The following POU6F2 variants were observed in gnomAD, a reference collection of about 807,000 sequenced individuals.
POU6F2 encodes POU domain, class 6, transcription factor 2.
In POU6F2, 31 loss-of-function variants were observed where a neutral mutation model predicts 71.3. The ratio of observed to expected loss-of-function variants is 0.43; its 90% CI spans 0.33 to 0.59. POU6F2 has a LOEUF of 0.59. Among genes scored for constraint, POU6F2 ranks in the 20% least tolerant of loss-of-function variants. The pLI is 0.04. For synonymous variants in POU6F2, 347 were observed against 355.7 expected, an observed-to-expected ratio of 0.98 and a Z score of 0.27; for missense variants, 783 against 856.8, an observed-to-expected ratio of 0.91 and a Z score of 1.07.
intron 4 of POU6F2, among the ~76,000 whole-genome samples, chr7:39,269,171 T>C (rs576827167): frequency 1.3e-5 from 2 of 152,276 alleles, no homozygotes; most frequent in Admixed American, 6.5e-5. Context: ...GGGAGTGTTA[T>C]GAAGTATGTG....
rs56019932 is a variant in POU6F2, at chr7:39,018,275, A to G, written c.105+40217A>G. On this transcript the variant is annotated intron_variant, in intron 1 of 9. Transcript: ENST00000518318. ...TCACCATTATTTTCCTTTGTATACAATCATTCTCAGAAATGCTCTCTCCAT... is the reference window on the plus strand; with the variant it reads ...TCACCATTATTTTCCTTTGTATACAGTCATTCTCAGAAATGCTCTCTCCAT... Among the ~76,000 whole-genome samples, 222 of 152,210 alleles carry G rather than the reference A, an allele frequency of 1.5e-3. 1 individual carries two copies. The highest frequency in any genetic ancestry group is 5.2e-3 in the African/African-American group (215 of 41,534).
chr7:39,081,744 T>C (rs971598109), intron 1 of POU6F2, among the ~76,000 whole-genome samples: 1 of 152,236 alleles, frequency 6.6e-6, no homozygotes, highest in African/African-American at 2.4e-5. Context: ...ACACACAGTA[T>C]GTCTGGGACT....
At chr7:39,229,403 G>C (rs1001900593) in intron 4 of POU6F2, among the ~76,000 whole-genome samples, 6 of 152,090 alleles carry the variant, frequency 3.9e-5, no homozygotes, top group Non-Finnish European at 7.4e-5. Context: ...CAACTGTCTG[G>C]GCCATTCTGC....
At chr7:39,165,998 A>AC (rs1456827385) in intron 2 of POU6F2, among the ~76,000 whole-genome samples, 3 of 152,030 alleles carry the variant, frequency 2.0e-5, no homozygotes, top group Non-Finnish European at 4.4e-5. Context: ...CCTTCTCCCT[A>AC]CTCTAGGATG....
chr7:39,084,959 C>G (rs981885730), intron 1 of POU6F2: 5 of 152,118 alleles, frequency 3.3e-5, no homozygotes, highest in African/African-American at 9.7e-5. Flanking sequence ...AAAGACTACA[C>G]TTGGAAAATA....
At chr7:39,332,543 C>A (rs1785677260) in intron 4 of POU6F2, among the ~76,000 whole-genome samples, 1 of 151,836 alleles carries the variant, frequency 6.6e-6, no homozygotes, top group Non-Finnish European at 1.5e-5. Flanking sequence ...CTGCTCTGGC[C>A]CTGGCCAGAC....
At chr7:39,278,211 G>T (rs1313793771) in intron 4 of POU6F2, among the ~76,000 whole-genome samples, 1 of 152,114 alleles carries the variant, frequency 6.6e-6, no homozygotes, top group African/African-American at 2.4e-5. Flanking sequence ...AAGCAGAGAA[G>T]GCGTTTCGGA....
At chr7:39,132,901 A>G (rs961151216) in intron 2 of POU6F2, among the ~76,000 whole-genome samples, 1 of 152,196 alleles carries the variant, frequency 6.6e-6, no homozygotes, top group African/African-American at 2.4e-5. Flanking sequence ...TGACATGGAA[A>G]TGGAGACTAG....
At chr7:39,114,433 T>C (rs918281962) in intron 2 of POU6F2, among the ~76,000 whole-genome samples, 1 of 152,148 alleles carries the variant, frequency 6.6e-6, no homozygotes, top group African/African-American at 2.4e-5. Context: ...ATTATTTTAA[T>C]AGGAACTTCC....
chr7:39,039,069 GACAATTGT>G (rs1465959083), intron 1 of POU6F2, among the ~76,000 whole-genome samples: 3 of 151,996 alleles, frequency 2.0e-5, no homozygotes, highest in African/African-American at 7.2e-5. Context: ...AGTTTTGTTG[GACAATTGT>G]ATCACAATAT....
intron 1 of POU6F2, among the ~76,000 whole-genome samples, chr7:39,070,833 C>T (rs759110615): frequency 6.6e-6 from 1 of 152,162 alleles, no homozygotes; most frequent in Admixed American, 6.5e-5. Flanking sequence ...TACTCAACAT[C>T]GTATTTACTT....
At chr7:39,301,675 C>A (rs1427218523) in intron 4 of POU6F2, among the ~76,000 whole-genome samples, 2 of 152,156 alleles carry the variant, frequency 1.3e-5, no homozygotes, top group African/African-American at 4.8e-5. Flanking sequence ...TGCCCTTATT[C>A]CAGTCACTAA....
At position 39,465,522 on chromosome 7, in the gene POU6F2, G is replaced by A. The variant is rs1042287937; in HGVS notation, c.*836G>A. Reference sequence around the variant, plus strand: ...TGCTTTTTTCTCACTATGACTTGTGGGTTTGAGAAAAGAAAATGGAGCTCG... The same window carrying A: ...TGCTTTTTTCTCACTATGACTTGTGAGTTTGAGAAAAGAAAATGGAGCTCG... On this transcript the variant is annotated 3_prime_UTR_variant, in exon 10 of 10. Coordinates refer to ENST00000518318, the MANE Select transcript of POU6F2 (RefSeq NM_001370959.1). The A allele has an allele frequency of 6.6e-6, 1 of 152,110 alleles. No homozygotes were observed. Among genetic ancestry groups the A allele is most frequent in the Admixed American group, 6.5e-5 (1 of 15,272 alleles). The allele number at this position is 152,110 out of a possible 1,614,324, so 9.4% of individuals were successfully genotyped here.
At chr7:39,007,356 T>C (rs1043915397) in intron 1 of POU6F2, among the ~76,000 whole-genome samples, 5 of 152,130 alleles carry the variant, frequency 3.3e-5, no homozygotes, top group Non-Finnish European at 5.9e-5. Context: ...GGAAGTTGGG[T>C]CAGTAATACC....
chr7:39,305,528 GAT>G (rs1785032081), intron 4 of POU6F2, among the ~76,000 whole-genome samples: 1 of 152,198 alleles, frequency 6.6e-6, no homozygotes, highest in Non-Finnish European at 1.5e-5. Flanking sequence ...CCGCAATCAA[GAT>G]GTGTAGACAG....
At chr7:39,258,013 A>G (rs969195112) in intron 4 of POU6F2, among the ~76,000 whole-genome samples, 1 of 152,204 alleles carries the variant, frequency 6.6e-6, no homozygotes, top group African/African-American at 2.4e-5. Context: ...TGTTTGGGCC[A>G]CCACTGTTTC....
intron 5 of POU6F2, among the ~76,000 whole-genome samples, chr7:39,361,911 A>G (rs528812316): frequency 7.2e-5 from 11 of 152,338 alleles, no homozygotes; most frequent in Admixed American, 6.5e-4. Flanking sequence ...AAGGGGGAAG[A>G]GGCTACAGAG....
At chr7:39,423,592 T>C (rs932540627) in intron 6 of POU6F2, among the ~76,000 whole-genome samples, 1 of 152,190 alleles carries the variant, frequency 6.6e-6, no homozygotes, top group Non-Finnish European at 1.5e-5. Context: ...CCAGTGAAAA[T>C]GCTGCCACTG....
intron 4 of POU6F2, among the ~76,000 whole-genome samples, chr7:39,219,922 C>T (rs531696051): frequency 7.9e-5 from 12 of 152,010 alleles, no homozygotes; most frequent in Non-Finnish European, 1.2e-4. Context: ...ATAACTCACA[C>T]GGGAGAAAGT....
Sources: gnomAD v4.1 joint callset for allele counts (sites outside exome capture counted in the v4.1 genomes callset) on GRCh38, gnomAD v4.1.1 for gene constraint, MANE v1.5 for transcripts, NCBI Gene and HGNC (gene_info 2026-07-23, HGNC 2026-07-21) for gene names.